TRAPPC13: variants seen among roughly 807,000 people sequenced by gnomAD.
TRAPPC13 encodes the protein trafficking protein particle complex subunit 13, also known as REV7-interacting novel NHEJ regulator 1.
Under a neutral mutation model 54.0 loss-of-function variants are expected in TRAPPC13, and 39 were observed. The ratio of observed to expected loss-of-function variants is 0.72; its 90% confidence interval spans 0.56 to 0.94. TRAPPC13 has a LOEUF of 0.94. Among genes scored for constraint, TRAPPC13 ranks in the 40% least tolerant of loss-of-function variants. The pLI is 0.00. For synonymous variants in TRAPPC13, 148 were observed against 167.7 expected (o/e 0.88, Z 0.91); for missense variants, 386 against 488.1 (o/e 0.79, Z 1.97).
At chr5:65,630,445 A>G in intron 1 of TRAPPC13, 2 of 1,390,972 alleles carry the variant, frequency 1.4e-6, no homozygotes, top group South Asian at 3.4e-5. Flanking sequence ...GACTTTTTAG[A>G]ATTCCTAGGC....
chr5:65,639,367 A>G (rs1018486669), intron 4 of TRAPPC13, among the ~76,000 whole-genome samples: 11 of 152,064 alleles, frequency 7.2e-5, no homozygotes, highest in African/African-American at 2.4e-4. Context: ...TAATTAAGAA[A>G]AAAAAAAACA....
intron 4 of TRAPPC13, among the ~76,000 whole-genome samples, chr5:65,639,101 A>G (rs955606367): frequency 6.6e-6 from 1 of 152,070 alleles, no homozygotes; most frequent in African/African-American, 2.4e-5. Flanking sequence ...AAAAATAAAA[A>G]TAAAACCATC....
intron 1 of TRAPPC13, among the ~76,000 whole-genome samples, chr5:65,633,890 C>A (rs921201234): frequency 6.7e-6 from 1 of 149,210 alleles, no homozygotes; most frequent in Non-Finnish European, 1.5e-5. Flanking sequence ...AATGAATAAT[C>A]CTTTTGCTAA....
chr5:65,647,692 G>A (rs1194428292), intron 5 of TRAPPC13, among the ~76,000 whole-genome samples: 1 of 151,844 alleles, frequency 6.6e-6, no homozygotes, highest in African/African-American at 2.4e-5. Flanking sequence ...CAGTCTGAGA[G>A]GCAATATGAA....
intron 6 of TRAPPC13, among the ~76,000 whole-genome samples, chr5:65,651,647 G>GT (rs72137252): frequency 3.5e-5 from 1 of 28,962 alleles, no homozygotes; most frequent in African/African-American, 8.4e-5. Context: ...ACATTTATGT[G>GT]GGGGGGGTGG....
rs1308201066 is a variant in TRAPPC13 at position 65,625,100 on chromosome 5, C to G, written c.40C>G (p.Leu14Val). ...NPPKQEHLLA[L>V]KVMRLTKPTL... ...CCCTAAACAGGAGCACCTGCTGGCG[C>G]TAAAAGGTAAACTTTTGCGAACCTG... is the stretch of plus-strand genomic sequence containing the variant. The change falls in exon 1 of 13, where the codon CTA becomes GTA. Residue 14 changes from leucine to valine, a missense_variant. Physicochemically the swap from Leu to Val is conservative, Grantham distance 32. Coordinates refer to ENST00000399438, the MANE Select transcript of TRAPPC13 (RefSeq NM_024941.4). The G allele has an allele frequency of 6.2e-7, 1 of 1,613,712 alleles. No homozygotes were observed. The highest frequency in any genetic ancestry group is 1.1e-5 in the South Asian group (1 of 91,076).
chr5:65,632,344 C>A (rs895711503), intron 1 of TRAPPC13, among the ~76,000 whole-genome samples: 3 of 152,028 alleles, frequency 2.0e-5, no homozygotes, highest in Non-Finnish European at 4.4e-5. Flanking sequence ...TTTCAGGGCA[C>A]CTTTTTCTCT....
At chr5:65,650,187 G>A (rs1190884673) in intron 5 of TRAPPC13, among the ~76,000 whole-genome samples, 2 of 99,424 alleles carry the variant, frequency 2.0e-5, no homozygotes, top group African/African-American at 7.9e-5. Context: ...TTGAGATGGA[G>A]TTTTGCTCTT....
intron 5 of TRAPPC13, among the ~76,000 whole-genome samples, chr5:65,649,949 C>T (rs1169061610): frequency 4.0e-5 from 6 of 150,006 alleles, no homozygotes; most frequent in African/African-American, 1.5e-4. Flanking sequence ...CTCTGCCTTC[C>T]GGGTTCACGC....
At chr5:65,655,152 A>G (rs1372509548) in intron 7 of TRAPPC13, among the ~76,000 whole-genome samples, 1 of 152,220 alleles carries the variant, frequency 6.6e-6, no homozygotes, top group East Asian at 1.9e-4. Context: ...TCAGCCCCAC[A>G]TTCCCTGAAG....
intron 11 of TRAPPC13, chr5:65,662,425 C>T: frequency 4.2e-6 from 1 of 239,508 alleles, no homozygotes; most frequent in Non-Finnish European, 7.9e-6. Context: ...TTCACCAAAA[C>T]ATGAACTAAT....
chr5:65,637,630 CAAAAAAAA>C lies in TRAPPC13; in HGVS notation c.216-58_216-51del, dbSNP rs374091978. On this transcript the variant is annotated intron_variant, in intron 3 of 12. Coordinates refer to ENST00000399438, the MANE Select transcript of TRAPPC13 (RefSeq NM_024941.4). ...TGGGTGACAGAGCGAGACTCTGTCT[CAAAAAAAA>C]AAAAAAAGAAAAAAAACCTGAATGG... 1.3e-5 allele frequency: 9 copies of C among 684,398 alleles called. No individual in the cohort carries two copies. In the African/African-American group the frequency reaches 2.1e-4, roughly 16 times the overall value. The allele number at this position is 684,398 out of a possible 1,614,324, so 42.4% of individuals were successfully genotyped here.
chr5:65,632,293 C>T (rs935361091), intron 1 of TRAPPC13, among the ~76,000 whole-genome samples: 1 of 152,168 alleles, frequency 6.6e-6, no homozygotes, highest in Non-Finnish European at 1.5e-5. Flanking sequence ...TTGGGAGAAA[C>T]TGCCTCCTGT....
chr5:65,645,848 A>G (rs1394129363), intron 4 of TRAPPC13, among the ~76,000 whole-genome samples: 3 of 152,132 alleles, frequency 2.0e-5, no homozygotes, highest in Non-Finnish European at 2.9e-5. Context: ...AGAAACAAAA[A>G]CTTAAAAGAA....
chr5:65,650,033 T>A (rs1561772254), intron 5 of TRAPPC13, among the ~76,000 whole-genome samples: 1 of 151,284 alleles, frequency 6.6e-6, no homozygotes, highest in Admixed American at 6.6e-5. Context: ...ATTTTTTGTA[T>A]TTTTTTAGTA....
rs1234488254 is a variant in TRAPPC13 at position 65,665,853 on chromosome 5, A to G, written c.*1242A>G. ...TAGGCTGTTAAATAAAAGCTATTCT[A>G]TTTTGGTAAGTTGAAATTCAAGAAT... On this transcript the variant is annotated 3_prime_UTR_variant, in exon 13 of 13. Transcript: ENST00000399438. 1.3e-5 allele frequency: 2 copies of G among 152,622 alleles called. No individual in the cohort carries two copies. Among genetic ancestry groups the G allele is most frequent in the Non-Finnish European group, 1.5e-5 (1 of 68,006 alleles). 9.5% of individuals were successfully genotyped at this position (152,622 alleles called of 1,614,324 possible).
rs1446570471 is a variant in TRAPPC13, at chr5:65,626,068, G to A, written c.46+962G>A. ...GAACTTTGTAATGTTTAGTGATACAGTGATGGGACCTGTAAGCTTAACCTG... is the reference window on the plus strand; with the variant it reads ...GAACTTTGTAATGTTTAGTGATACAATGATGGGACCTGTAAGCTTAACCTG... On this transcript the variant is annotated intron_variant, in intron 1 of 12. Coordinates refer to ENST00000399438, the MANE Select transcript of TRAPPC13 (RefSeq NM_024941.4). The A allele has an allele frequency of 2.8e-5, 4 of 145,254 alleles. No homozygotes were observed. The Admixed American group carries it at 2.8e-4, about 10-fold the overall frequency. 9.0% of individuals were successfully genotyped at this position (145,254 alleles called of 1,614,324 possible). A position where few individuals can be genotyped will look rare whatever the true frequency, so the allele number is the denominator to read the frequency against.
chr5:65,644,754 G>A (rs750544037), intron 4 of TRAPPC13, among the ~76,000 whole-genome samples: 12 of 151,746 alleles, frequency 7.9e-5, no homozygotes, highest in Non-Finnish European at 1.6e-4. Context: ...AGTGCCGCTT[G>A]CCTGTAATCC....
intron 4 of TRAPPC13, among the ~76,000 whole-genome samples, chr5:65,638,247 T>C (rs1186243746): frequency 6.6e-6 from 1 of 152,264 alleles, no homozygotes; most frequent in Non-Finnish European, 1.5e-5. Flanking sequence ...CCTACAGTTA[T>C]AAAGTATTAT....
Sources: gnomAD v4.1 joint callset for allele counts (sites outside exome capture counted in the v4.1 genomes callset) on GRCh38, gnomAD v4.1.1 for gene constraint, MANE v1.5 for transcripts, NCBI Gene and HGNC (gene_info 2026-07-23, HGNC 2026-07-21) for gene names.